The following PALS2 variants were observed in gnomAD, a reference collection of about 807,000 sequenced individuals.
PALS2 encodes protein PALS2.
A neutral mutation model predicts 61.6 loss-of-function variants in PALS2; 27 were observed. The ratio of observed to expected loss-of-function variants is 0.44; its 90% CI spans 0.32 to 0.60. PALS2 has a LOEUF of 0.60. Among genes scored for constraint, PALS2 ranks in the 20% least tolerant of loss-of-function variants. The pLI is 0.05. For synonymous variants in PALS2, 236 were observed against 218.6 expected (o/e 1.08, Z -0.70); for missense variants, 554 against 639.4 (o/e 0.87, Z 1.44).
At chr7:24,591,394 G>A (rs909137650) in intron 1 of PALS2, among the ~76,000 whole-genome samples, 5 of 152,068 alleles carry the variant, frequency 3.3e-5, no homozygotes, top group Admixed American at 1.3e-4. Flanking sequence ...CTTGACATAC[G>A]TGGGCTCTTA....
intron 9 of PALS2, among the ~76,000 whole-genome samples, chr7:24,677,650 T>C (rs1299139500): frequency 1.3e-5 from 2 of 152,330 alleles, no homozygotes; most frequent in African/African-American, 2.4e-5. Context: ...TTGTCTTTGG[T>C]TCTGTTTATA....
intron 6 of PALS2, among the ~76,000 whole-genome samples, chr7:24,663,989 T>C (rs1420432433): frequency 6.6e-6 from 1 of 152,174 alleles, no homozygotes; most frequent in Non-Finnish European, 1.5e-5. Flanking sequence ...CATGGGTAAT[T>C]GCATTAAAAT....
rs142515380 is a variant in PALS2, at chr7:24,619,031, T to C, written c.-2-4635T>C. 2.3e-3 allele frequency among the ~76,000 whole-genome samples: 351 copies of C among 152,370 alleles called. 1 individual carries two copies. Among genetic ancestry groups the C allele is most frequent in the African/African-American group, 8.0e-3 (331 of 41,598 alleles). On this transcript the variant is annotated intron_variant, in intron 1 of 11. Coordinates refer to ENST00000222644, the MANE Select transcript of PALS2 (RefSeq NM_001303037.2). ...TCACTTGAAAAAGCCAGCTATTTAC[T>C]GACTTACTGATTGAATCTATCTCTT...
chr7:24,680,019 A>G (rs1043909815), intron 10 of PALS2, among the ~76,000 whole-genome samples: 1 of 152,070 alleles, frequency 6.6e-6, no homozygotes, highest in African/African-American at 2.4e-5. Flanking sequence ...TTTTCTTTGT[A>G]ATTGCTATAT....
rs2128036059 is a variant in PALS2 at position 24,573,808 on chromosome 7, C to G, written c.-3+215C>G. ...GGGAGGCTGCTGGCCGCCCCCAGCCCGGCCCGCGCGGAAGGGGCGCTCGGC... is the reference window on the plus strand; with the variant it reads ...GGGAGGCTGCTGGCCGCCCCCAGCCGGGCCCGCGCGGAAGGGGCGCTCGGC... On this transcript the variant is annotated intron_variant, in intron 1 of 11. Coordinates refer to ENST00000222644, the MANE Select transcript of PALS2 (RefSeq NM_001303037.2). The surrounding 1 kb of genome is among the most constrained non-coding windows in gnomAD (Gnocchi z 5.3). Among the ~76,000 whole-genome samples, 2 of 148,822 alleles carry G rather than the reference C, an allele frequency of 1.3e-5. No individual in the cohort carries two copies. The highest frequency in any genetic ancestry group is 4.2e-4 in the South Asian group (2 of 4,818).
At chr7:24,584,830 A>G (rs4291157) in intron 1 of PALS2, among the ~76,000 whole-genome samples, 65,780 of 150,466 alleles carry the variant, frequency 0.44, 17,720 homozygotes, top group African/African-American at 0.75. Flanking sequence ...ATCTTGAATT[A>G]ATTTTTGTAT....
intron 3 of PALS2, among the ~76,000 whole-genome samples, chr7:24,644,133 G>GTACA (rs1785708975): frequency 6.7e-6 from 1 of 148,230 alleles, no homozygotes; most frequent in Non-Finnish European, 1.5e-5. Context: ...AGGATTAGGG[G>GTACA]TACATGTAAA....
At chr7:24,610,577 T>G (rs1465291161) in intron 1 of PALS2, among the ~76,000 whole-genome samples, 1 of 152,204 alleles carries the variant, frequency 6.6e-6, no homozygotes, top group Non-Finnish European at 1.5e-5. Flanking sequence ...AAGATATGGA[T>G]AGCATATTGT....
intron 9 of PALS2, 98 bp from the exon 10 acceptor site, chr7:24,679,033 C>T: frequency 1.0e-6 from 1 of 997,484 alleles, no homozygotes; most frequent in Non-Finnish European, 1.5e-6. Flanking sequence ...CAGTTTGCTG[C>T]ACCCAGTGGA....
intron 3 of PALS2, among the ~76,000 whole-genome samples, chr7:24,642,983 A>G (rs916751156): frequency 2.6e-5 from 4 of 152,172 alleles, no homozygotes; most frequent in Admixed American, 2.6e-4. Flanking sequence ...TTCCAAGGCA[A>G]GAAATTATGA....
At chr7:24,589,653 A>G (rs1454382312) in intron 1 of PALS2, among the ~76,000 whole-genome samples, 1 of 152,214 alleles carries the variant, frequency 6.6e-6, no homozygotes, top group Admixed American at 6.5e-5. Flanking sequence ...TATGTTGGTT[A>G]ATGAGTAACA....
At chr7:24,683,232 T>C (rs1323244607) in intron 11 of PALS2, among the ~76,000 whole-genome samples, 6 of 152,240 alleles carry the variant, frequency 3.9e-5, no homozygotes, top group Non-Finnish European at 8.8e-5. Flanking sequence ...AGAAGAACTT[T>C]TCCTCATCAA....
chr7:24,591,095 T>G (rs1783269274), intron 1 of PALS2, among the ~76,000 whole-genome samples: 1 of 152,130 alleles, frequency 6.6e-6, no homozygotes, highest in South Asian at 2.1e-4. Flanking sequence ...ATACCTGTTT[T>G]GTCATTTCAG....
intron 3 of PALS2, among the ~76,000 whole-genome samples, chr7:24,647,564 T>A (rs1056385269): frequency 1.2e-4 from 18 of 152,306 alleles, no homozygotes; most frequent in African/African-American, 4.3e-4. Context: ...GAATTTTCAT[T>A]AGAGGTTGCA....
intron 3 of PALS2, among the ~76,000 whole-genome samples, chr7:24,649,386 A>G (rs1786021017): frequency 6.6e-6 from 1 of 152,138 alleles, no homozygotes; most frequent in African/African-American, 2.4e-5. Flanking sequence ...ATCTCTTCAT[A>G]TCTCAAAGAA....
chr7:24,687,455 A>G lies in PALS2; in HGVS notation c.1464A>G (p.Lys488=). ...TKLLTDSDLK[K]TVDESARIQR... is the part of the protein sequence containing the mutation. Reference sequence around the variant, plus strand: ...TTCAACAGGACTCTGACTTGAAGAAAACAGTGGATGAAAGTGCACGGATTC... The same window carrying G: ...TTCAACAGGACTCTGACTTGAAGAAGACAGTGGATGAAAGTGCACGGATTC... The change falls in exon 12 of 12, where the codon AAA becomes AAG. Residue 488 remains lysine (K), a synonymous_variant. Coordinates refer to ENST00000222644, the MANE Select transcript of PALS2 (RefSeq NM_001303037.2). The surrounding 1 kb of genome is among the most constrained non-coding windows in gnomAD (Gnocchi z 4.5). 6.2e-7 allele frequency: 1 copy of G among 1,610,050 alleles called. No homozygotes were observed. Among genetic ancestry groups the G allele is most frequent in the Non-Finnish European group, 8.5e-7 (1 of 1,178,896 alleles).
At chr7:24,660,239 A>G (rs976365753) in intron 5 of PALS2, among the ~76,000 whole-genome samples, 1 of 141,756 alleles carries the variant, frequency 7.1e-6, no homozygotes, top group African/African-American at 2.9e-5. Context: ...TAGGTGAATC[A>G]TTCCCATGGT....
chr7:24,650,500 G>T lies in PALS2; in HGVS notation c.439G>T (p.Val147Phe). Residue 147 changes from valine (V) to phenylalanine (F), a missense_variant, in exon 5 of 12, where the codon GTT (valine) becomes TTT (phenylalanine). Transcript: ENST00000222644. ...TTTTTCATAGGGTGTGACATTTAGG[G>T]TTGAAAATAATGATCTGGTAATTGC... ...AGEPLGVTFR[V>F]ENNDLVIARI... is the part of the protein sequence containing the mutation. 8.1e-6 allele frequency: 13 copies of T among 1,600,866 alleles called. No homozygotes were observed. Among genetic ancestry groups the T allele is most frequent in the Non-Finnish European group, 1.1e-5 (13 of 1,175,876 alleles).
intron 1 of PALS2, among the ~76,000 whole-genome samples, chr7:24,611,599 A>G (rs1043969472): frequency 1.1e-4 from 17 of 152,142 alleles, no homozygotes; most frequent in Non-Finnish European, 1.5e-5. Context: ...TGCACATTAA[A>G]TACCAAAAAA....
Sources: allele counts gnomAD v4.1 joint callset (sites outside exome capture counted in the v4.1 genomes callset), GRCh38; gene constraint gnomAD v4.1.1; non-coding constraint Gnocchi (gnomAD v3.1); transcripts MANE v1.5; gene names NCBI Gene and HGNC (gene_info 2026-07-23, HGNC 2026-07-21).